The following PTPRD variants were observed in gnomAD, a reference collection of about 807,000 sequenced individuals.
PTPRD encodes protein tyrosine phosphatase receptor type D.
PTPRD carries 34 observed loss-of-function variants against 214.5 expected under a neutral mutation model. The observed-to-expected ratio is 0.16, with a 90% confidence interval of 0.12 to 0.21. PTPRD has a LOEUF of 0.21. PTPRD is among the 10% of genes least tolerant of loss of function. The pLI is 1.00. For missense variants in PTPRD, 2,545 were observed against 2,398.7 expected (o/e 1.06, Z -1.27); for synonymous variants, 1,128 against 845.7 (o/e 1.33, Z -5.79).
Position 9,216,428 on chromosome 9 carries a change from G to C in PTPRD, c.-202-33065C>G, listed in dbSNP as rs74557029. ...AATGGGATAAAATATGTAATCCTGA[G>C]CCTAGGAATTTTAAACTTCAAATCC... On this transcript the variant is annotated intron_variant, in intron 9 of 45. Transcript: ENST00000381196. Among the ~76,000 whole-genome samples, 1,076 of 152,224 alleles carry C rather than the reference G, an allele frequency of 7.1e-3. 9 individuals are homozygous for C. Among genetic ancestry groups the C allele is most frequent in the Middle Eastern group, 0.044 (13 of 294 alleles).
chr9:8,636,920 C>G (rs2096454182), intron 12 of PTPRD, 76 bp from the exon 13 acceptor site: 3 of 1,452,428 alleles, frequency 2.1e-6, no homozygotes, highest in Non-Finnish European at 2.9e-6. Context: ...GCTGCTCTCC[C>G]CACCATCCTC....
At chr9:10,130,693 A>T (rs1236567700) in intron 3 of PTPRD, among the ~76,000 whole-genome samples, 1 of 152,190 alleles carries the variant, frequency 6.6e-6, no homozygotes, top group Non-Finnish European at 1.5e-5. Context: ...ACTGAATGAC[A>T]GAAATAGTAC....
intron 2 of PTPRD, among the ~76,000 whole-genome samples, chr9:10,504,078 T>C (rs1302715390): frequency 1.8e-5 from 2 of 113,466 alleles, no homozygotes; most frequent in Admixed American, 1.4e-4. Context: ...ATCGCGCCAC[T>C]GCACTCCAGC....
At chr9:8,749,552 G>A (rs7039134) in intron 11 of PTPRD, among the ~76,000 whole-genome samples, 8,710 of 152,150 alleles carry the variant, frequency 0.057, 632 homozygotes, top group African/African-American at 0.17. Flanking sequence ...TATTTTACTA[G>A]TCTGTCCACC....
intron 14 of PTPRD, among the ~76,000 whole-genome samples, chr9:8,599,666 C>T (rs1167127516): frequency 2.4e-5 from 3 of 122,730 alleles, no homozygotes; most frequent in Admixed American, 1.1e-4. Flanking sequence ...TCTTGTTGCC[C>T]AGGCTGGAGT....
At chr9:9,749,046 C>T (rs1002973228) in intron 6 of PTPRD, among the ~76,000 whole-genome samples, 18 of 150,286 alleles carry the variant, frequency 1.2e-4, no homozygotes, top group Non-Finnish European at 7.4e-5. Flanking sequence ...TTCTTCTTTC[C>T]TCTGGTTTTT....
At chr9:10,064,026 T>G (rs2097830403) in intron 3 of PTPRD, among the ~76,000 whole-genome samples, 1 of 151,972 alleles carries the variant, frequency 6.6e-6, no homozygotes, top group African/African-American at 2.4e-5. Context: ...TTCTGTTTTT[T>G]TTTCAGAGTA....
chr9:10,243,965 C>A (rs151230777), intron 3 of PTPRD, among the ~76,000 whole-genome samples: 1 of 151,962 alleles, frequency 6.6e-6, no homozygotes, highest in Non-Finnish European at 1.5e-5. Context: ...GGTAAATTAA[C>A]CTCTTAACAG....
intron 7 of PTPRD, among the ~76,000 whole-genome samples, chr9:9,688,180 T>C (rs1427478291): frequency 6.6e-6 from 1 of 151,946 alleles, no homozygotes; most frequent in Non-Finnish European, 1.5e-5. Context: ...AATTCCACTC[T>C]TGGGCAGTAT....
chr9:8,529,063 T>C (rs998299514), intron 14 of PTPRD, among the ~76,000 whole-genome samples: 1 of 151,644 alleles, frequency 6.6e-6, no homozygotes, highest in Non-Finnish European at 1.5e-5. Context: ...AATTATAGGG[T>C]TTGTGCTTGA....
chr9:10,060,728 G>A (rs953187505), intron 3 of PTPRD, among the ~76,000 whole-genome samples: 23 of 151,756 alleles, frequency 1.5e-4, no homozygotes, highest in Admixed American at 6.6e-4. Flanking sequence ...ATATTTGAAA[G>A]TTCAGTTTCT....
intron 10 of PTPRD, among the ~76,000 whole-genome samples, chr9:9,133,694 C>A (rs1047773285): frequency 1.3e-5 from 2 of 152,122 alleles, no homozygotes; most frequent in African/African-American, 4.8e-5. Flanking sequence ...ACTGAACAAT[C>A]GCAGTCATGT....
intron 5 of PTPRD, among the ~76,000 whole-genome samples, chr9:9,903,775 A>T (rs2076937709): frequency 6.6e-6 from 1 of 152,136 alleles, no homozygotes; most frequent in Non-Finnish European, 1.5e-5. Context: ...TCACTGGATC[A>T]TCTTAACTCT....
At chr9:10,132,353 A>G (rs974868963) in intron 3 of PTPRD, among the ~76,000 whole-genome samples, 4 of 152,152 alleles carry the variant, frequency 2.6e-5, no homozygotes, top group African/African-American at 9.7e-5. Flanking sequence ...ATGTAATTTA[A>G]AAAAAACTTC....
At chr9:8,880,550 G>T (rs2098436978) in intron 11 of PTPRD, among the ~76,000 whole-genome samples, 1 of 151,906 alleles carries the variant, frequency 6.6e-6, no homozygotes, top group Non-Finnish European at 1.5e-5. Context: ...GTGCCTATTG[G>T]GAGTAATGAA....
chr9:9,015,482 T>A (rs750044479), intron 11 of PTPRD, among the ~76,000 whole-genome samples: 2 of 152,164 alleles, frequency 1.3e-5, no homozygotes, highest in Non-Finnish European at 2.9e-5. Context: ...GAGGCATGAA[T>A]AATCCACTCC....
intron 9 of PTPRD, among the ~76,000 whole-genome samples, chr9:9,318,896 G>C (rs982500925): frequency 2.0e-5 from 3 of 152,124 alleles, no homozygotes; most frequent in Non-Finnish European, 4.4e-5. Context: ...CAGGCTTCTA[G>C]ATTCATGCAT....
chr9:9,602,530 C>G (rs1285263684), intron 7 of PTPRD, among the ~76,000 whole-genome samples: 2 of 151,978 alleles, frequency 1.3e-5, no homozygotes, highest in Non-Finnish European at 2.9e-5. Flanking sequence ...AGAGTAATTC[C>G]TGTCTCAAAA....
At chr9:8,908,293 A>G (rs1194390375) in intron 11 of PTPRD, among the ~76,000 whole-genome samples, 2 of 152,212 alleles carry the variant, frequency 1.3e-5, no homozygotes, top group Non-Finnish European at 2.9e-5. Context: ...AAGAAACACT[A>G]AAGGAATTTC....
Sources: allele counts gnomAD v4.1 joint callset (sites outside exome capture counted in the v4.1 genomes callset), GRCh38; gene constraint gnomAD v4.1.1; transcripts MANE v1.5; gene names NCBI Gene and HGNC (gene_info 2026-07-23, HGNC 2026-07-21).